TRIM24: variants seen among roughly 807,000 people sequenced by gnomAD.
The protein encoded by TRIM24 is transcription intermediary factor 1-alpha.
Under a neutral mutation model 123.9 loss-of-function variants are expected in TRIM24, and 29 were observed. The ratio of observed to expected loss-of-function variants is 0.23; its 90% CI spans 0.17 to 0.32. The LOEUF is 0.32. Among genes scored for constraint, TRIM24 ranks in the 10% least tolerant of loss-of-function variants. The probability of loss-of-function intolerance (pLI) is 1.00; values close to 1 mark genes in which losing one functional copy is unlikely to be tolerated. For synonymous variants in TRIM24, 456 were observed against 461.1 expected (o/e 0.99, Z 0.14); for missense variants, 932 against 1,295.3 (o/e 0.72, Z 4.31).
intron 5 of TRIM24, among the ~76,000 whole-genome samples, chr7:138,526,546 G>A (rs1796614462): frequency 6.6e-6 from 1 of 151,790 alleles, no homozygotes; most frequent in African/African-American, 2.4e-5. Context: ...TGGGTAGCTG[G>A]GATTACAGGT....
chr7:138,470,311 A>G lies in TRIM24; in HGVS notation c.364+9399A>G, dbSNP rs755829014. 2.6e-5 allele frequency among the ~76,000 whole-genome samples: 4 copies of G among 151,724 alleles called. No individual in the cohort carries two copies. In the East Asian group the frequency reaches 7.7e-4, roughly 29 times the overall value. On this transcript the variant is annotated intron_variant, in intron 1 of 18. Coordinates refer to ENST00000343526, the MANE Select transcript of TRIM24 (RefSeq NM_015905.3). The stretch of plus-strand genomic sequence containing the variant: ...ACACCCAGCTAGTTTTTGTGTTTTT[A>G]GTAGAGACAGGGTTTCACTATGTTG...
chr7:138,529,448 A>G (rs1796680729), intron 6 of TRIM24, among the ~76,000 whole-genome samples: 1 of 152,118 alleles, frequency 6.6e-6, no homozygotes, highest in Non-Finnish European at 1.5e-5. Flanking sequence ...TGTTTTCTTT[A>G]TAGCACAAAT....
chr7:138,497,746 A>G (rs56092804), intron 1 of TRIM24, among the ~76,000 whole-genome samples: 41,461 of 151,822 alleles, frequency 0.27, 6,287 homozygotes, highest in East Asian at 0.5. Flanking sequence ...GCTGGAGTGC[A>G]GTGGTGCAAT....
rs1387128582 is a variant in TRIM24, at chr7:138,554,067, A to C, written c.1262-631A>C. The stretch of plus-strand genomic sequence containing the variant: ...CACAAAGCAAAAGGCATCCATCCCC[A>C]ATATGGCCTGGATTCCACAGGCTGA... On this transcript the variant is annotated intron_variant, in intron 8 of 18. Transcript: ENST00000343526. This position sits in a 1 kb window ranked among gnomAD's most constrained non-coding sequence, Gnocchi z 4.5. 6.6e-6 allele frequency among the ~76,000 whole-genome samples: 1 copy of C among 152,306 alleles called. No homozygotes were observed. Among genetic ancestry groups the C allele is most frequent in the East Asian group, 1.9e-4 (1 of 5,192 alleles).
At chr7:138,498,744 G>A (rs1795969293) in intron 1 of TRIM24, among the ~76,000 whole-genome samples, 2 of 151,502 alleles carry the variant, frequency 1.3e-5, no homozygotes, top group South Asian at 4.2e-4. Context: ...TTCAAGCAAT[G>A]CTACCTCCTC....
rs562504558 is a variant in TRIM24, at chr7:138,516,808, G to A, written c.631+1449G>A. On this transcript the variant is annotated intron_variant, in intron 3 of 18. Transcript: ENST00000343526. ...GCATGTATCAAAATGTAGCAAAACC[G>A]TTTTGTTTTTTTTTTTTTTTTGAGA... Among the ~76,000 whole-genome samples the A allele has an allele frequency of 1.2e-4, 16 of 131,908 alleles. No homozygotes were observed. The East Asian group carries it at 1.4e-3, about 11-fold the overall frequency. The allele number at this position is 131,908 out of a possible 152,430, so 86.5% of individuals were successfully genotyped here.
chr7:138,551,203 AT>A (rs1797204428), intron 8 of TRIM24, 23 bp downstream of exon 8: 1 of 1,551,332 alleles, frequency 6.4e-7, no homozygotes, highest in Non-Finnish European at 8.9e-7. Context: ...CATTACATAC[AT>A]TTCTCAGTGG....
intron 4 of TRIM24, 48 bp from the exon 5 acceptor site, chr7:138,525,193 T>A (rs1385054134): frequency 1.0e-5 from 9 of 872,156 alleles, no homozygotes; most frequent in Non-Finnish European, 1.5e-5. Flanking sequence ...TCTTGGACTT[T>A]TTCCTCATTG....
At chr7:138,524,616 A>G (rs950898506) in intron 4 of TRIM24, among the ~76,000 whole-genome samples, 1 of 152,146 alleles carries the variant, frequency 6.6e-6, no homozygotes, top group African/African-American at 2.4e-5. Flanking sequence ...AATTCTTGTT[A>G]TGTATCTTCT....
At chr7:138,461,206 C>A (rs1267110009) in intron 1 of TRIM24, 2 of 666,712 alleles carry the variant, frequency 3.0e-6, no homozygotes, top group Non-Finnish European at 5.6e-6. Context: ...TTTTGCAGAC[C>A]TCTGTCGGAG....
At chr7:138,469,483 G>C (rs1254906854) in intron 1 of TRIM24, among the ~76,000 whole-genome samples, 1 of 151,860 alleles carries the variant, frequency 6.6e-6, no homozygotes, top group Non-Finnish European at 1.5e-5. Context: ...TAATTTTTTT[G>C]TATTTTTAGT....
At chr7:138,576,268 A>G in intron 12 of TRIM24, 105 bp from the exon 13 acceptor site, 1 of 1,078,988 alleles carries the variant, frequency 9.3e-7, no homozygotes, top group Non-Finnish European at 1.4e-6. Flanking sequence ...ATAGAATTTC[A>G]TCATGGTTCC....
intron 1 of TRIM24, among the ~76,000 whole-genome samples, chr7:138,474,347 T>G (rs1365915733): frequency 2.0e-5 from 3 of 151,474 alleles, no homozygotes; most frequent in South Asian, 2.1e-4. Context: ...GGATGGTCTC[T>G]ATCTCCTGAC....
At chr7:138,492,111 A>G (rs545484441) in intron 1 of TRIM24, among the ~76,000 whole-genome samples, 86 of 151,792 alleles carry the variant, frequency 5.7e-4, no homozygotes, top group South Asian at 2.1e-3. Context: ...ACAACAATGT[A>G]AGTAAAAAAA....
intron 1 of TRIM24, among the ~76,000 whole-genome samples, chr7:138,467,984 A>G (rs1010782447): frequency 6.6e-6 from 1 of 152,020 alleles, no homozygotes; most frequent in African/African-American, 2.4e-5. Flanking sequence ...TATTCTTAAT[A>G]ATTTATGTCT....
intron 6 of TRIM24, among the ~76,000 whole-genome samples, chr7:138,534,192 G>GT (rs1197671698): frequency 6.6e-6 from 1 of 152,044 alleles, no homozygotes; most frequent in East Asian, 1.9e-4. Flanking sequence ...TTTTTGAAGG[G>GT]TTTTTTGTGT....
intron 4 of TRIM24, 116 bp downstream of exon 4, chr7:138,519,437 A>AG (rs1796462919): frequency 1.3e-5 from 15 of 1,177,460 alleles, no homozygotes; most frequent in Non-Finnish European, 1.8e-5. Flanking sequence ...GGCCAGCACT[A>AG]TGCTGGCCTG....
chr7:138,479,658 A>T (rs972501147), intron 1 of TRIM24, among the ~76,000 whole-genome samples: 9 of 146,224 alleles, frequency 6.2e-5, no homozygotes, highest in African/African-American at 2.2e-4. Context: ...GATTACAGGC[A>T]TGTGACGCCT....
chr7:138,469,509 C>A (rs1413003593), intron 1 of TRIM24, among the ~76,000 whole-genome samples: 1 of 152,194 alleles, frequency 6.6e-6, no homozygotes, highest in Non-Finnish European at 1.5e-5. Context: ...CGGGATTTTA[C>A]CCTGTTGGCC....
Sources: gnomAD v4.1 joint callset for allele counts (sites outside exome capture counted in the v4.1 genomes callset) on GRCh38, gnomAD v4.1.1 for gene constraint, Gnocchi (gnomAD v3.1) non-coding constraint, MANE v1.5 for transcripts, NCBI Gene and HGNC (gene_info 2026-07-23, HGNC 2026-07-21) for gene names.